Variants in CAPZA2 observed in about 807,000 individuals in gnomAD.
The protein encoded by CAPZA2 is F-actin-capping protein subunit alpha-2.
In CAPZA2, 13 loss-of-function variants were observed where a neutral mutation model predicts 44.0. The observed-to-expected ratio is 0.30, with a 90% CI of 0.19 to 0.47. The LOEUF is 0.47. Ranked by LOEUF, CAPZA2 falls within the 20% of genes least tolerant of loss-of-function variation. The pLI, the probability that CAPZA2 is intolerant of heterozygous loss-of-function variation, is 1.00. For missense variants in CAPZA2, 244 were observed against 338.6 expected, an observed-to-expected ratio of 0.72 and a Z score of 2.19; for synonymous variants, 94 against 108.2, an observed-to-expected ratio of 0.87 and a Z score of 0.81.
At chr7:116,908,775 A>G (rs965824390) in intron 6 of CAPZA2, among the ~76,000 whole-genome samples, 1 of 152,206 alleles carries the variant, frequency 6.6e-6, no homozygotes, top group Non-Finnish European at 1.5e-5. Flanking sequence ...TCATGAAACA[A>G]AAGTGAATAA....
chr7:116,904,990 C>A (rs1171750324), intron 5 of CAPZA2, among the ~76,000 whole-genome samples: 1,980 of 88,170 alleles, frequency 0.022, 1 homozygote, highest in East Asian at 0.045. Context: ...AAAAAAAAAA[C>A]AATTAGCCGG....
At chr7:116,914,067 G>A (rs1286248914) in intron 8 of CAPZA2, among the ~76,000 whole-genome samples, 7 of 131,906 alleles carry the variant, frequency 5.3e-5, no homozygotes, top group Non-Finnish European at 9.4e-5. Flanking sequence ...TCGCTCTTTC[G>A]CCCAGGCTGG....
intron 7 of CAPZA2, 141 bp from the exon 8 acceptor site, chr7:116,911,928 A>C: frequency 7.3e-7 from 1 of 1,372,548 alleles, no homozygotes; most frequent in Non-Finnish European, 9.8e-7. Context: ...GTCTTGCTGG[A>C]GTTCAAAAGT....
Position 116,921,986 on chromosome 7 carries a change from T to G in CAPZA2, c.*4119T>G, listed in dbSNP as rs1791775819. On this transcript the variant is annotated 3_prime_UTR_variant, in exon 10 of 10. Coordinates refer to ENST00000361183, the MANE Select transcript of CAPZA2 (RefSeq NM_006136.3). ...AATATGCAGATATTCATGCGGCTTT[T>G]CCTCATTTGGGATTTTGGAAACTAA... The G allele has an allele frequency of 6.6e-6, 1 of 152,198 alleles. No homozygotes were observed. The highest frequency in any genetic ancestry group is 2.4e-5 in the African/African-American group (1 of 41,444). 9.4% of individuals were successfully genotyped at this position (152,198 alleles called of 1,614,324 possible).
At position 116,893,014 on chromosome 7, in the gene CAPZA2, A is replaced by C; in HGVS notation, c.124A>C (p.Asn42His). Residue 42 changes from asparagine to histidine, a missense_variant, in exon 3 of 10, where the codon AAT (asparagine) becomes CAT (histidine). Asn to His is a moderately conservative substitution (Grantham distance 68). Transcript: ENST00000361183. ...VFNDVRLLLN[N>H]DNLLREGAAH... is the part of the protein sequence containing the mutation. ...TGCAGATGTTCGGTTACTGCTTAAT[A>C]ATGACAATCTTCTCAGGGAAGGAGC... 2 of 1,598,816 alleles carry C rather than the reference A, an allele frequency of 1.3e-6. 1 individual carries two copies. Among genetic ancestry groups the C allele is most frequent in the South Asian group, 2.2e-5 (2 of 89,230 alleles).
At chr7:116,896,262 C>T (rs1796925566) in intron 3 of CAPZA2, among the ~76,000 whole-genome samples, 1 of 152,036 alleles carries the variant, frequency 6.6e-6, no homozygotes, top group South Asian at 2.1e-4. Context: ...CAAAAAGCTA[C>T]CAACTCAGTA....
At chr7:116,870,484 G>A (rs1796538324) in intron 1 of CAPZA2, among the ~76,000 whole-genome samples, 1 of 152,150 alleles carries the variant, frequency 6.6e-6, no homozygotes, top group Admixed American at 6.5e-5. Flanking sequence ...TGACTGTCAG[G>A]GTTTTTCCAT....
At chr7:116,914,259 G>A (rs1791645516) in intron 8 of CAPZA2, among the ~76,000 whole-genome samples, 1 of 151,876 alleles carries the variant, frequency 6.6e-6, no homozygotes. Context: ...TCGATCTCCT[G>A]ACCTCGTGAT....
Position 116,920,940 on chromosome 7 carries a change from T to C in CAPZA2, c.*3073T>C, listed in dbSNP as rs1791762357. On this transcript the variant is annotated 3_prime_UTR_variant, in exon 10 of 10. Transcript: ENST00000361183. ...GTTTTGCCCAGAGTGAATGACCACA[T>C]GAAGAGGGGCAGGGTATGATGATGG... The C allele has an allele frequency of 6.6e-6, 1 of 152,168 alleles. No homozygotes were observed. The highest frequency in any genetic ancestry group is 1.5e-5 in the Non-Finnish European group (1 of 68,076). 9.4% of individuals were successfully genotyped at this position (152,168 alleles called of 1,614,324 possible).
intron 1 of CAPZA2, among the ~76,000 whole-genome samples, chr7:116,886,772 C>CTAAGGACTACACTTTCA (rs1303982638): frequency 2.6e-5 from 4 of 152,208 alleles, no homozygotes; most frequent in Non-Finnish European, 4.4e-5. Context: ...GGCTGCTTGC[C>CTAAGGACTACACTTTCA]TAAGGACTAC....
intron 1 of CAPZA2, among the ~76,000 whole-genome samples, chr7:116,865,177 CT>C (rs1011886318): frequency 0.013 from 1,114 of 87,862 alleles, 4 homozygotes; most frequent in African/African-American, 0.031. Context: ...GCGCTCTCTT[CT>C]TTTTTTTTTT....
intron 4 of CAPZA2, among the ~76,000 whole-genome samples, chr7:116,901,935 A>G (rs1489426363): frequency 1.3e-5 from 2 of 150,296 alleles, no homozygotes; most frequent in Admixed American, 1.3e-4. Flanking sequence ...ATATATATGT[A>G]TATATTTATG....
At chr7:116,915,909 A>G in intron 8 of CAPZA2, 151 bp from the exon 9 acceptor site, 1 of 530,596 alleles carries the variant, frequency 1.9e-6, no homozygotes, top group South Asian at 3.1e-5. Context: ...TTCCCCTTAG[A>G]CTTAGAATAA....
intron 3 of CAPZA2, among the ~76,000 whole-genome samples, chr7:116,897,870 G>A (rs1404483307): frequency 2.0e-5 from 3 of 151,190 alleles, no homozygotes; most frequent in East Asian, 2.0e-4. Context: ...TCTGGCTCTC[G>A]TTGCTCCACT....
At chr7:116,911,341 T>C (rs1791593678) in intron 7 of CAPZA2, among the ~76,000 whole-genome samples, 1 of 152,234 alleles carries the variant, frequency 6.6e-6, no homozygotes, top group African/African-American at 2.4e-5. Context: ...AATGTGGATA[T>C]GTTACTTGAC....
At chr7:116,877,412 A>G (rs1274436954) in intron 1 of CAPZA2, among the ~76,000 whole-genome samples, 1 of 152,256 alleles carries the variant, frequency 6.6e-6, no homozygotes, top group East Asian at 1.9e-4. Context: ...TGATATGGCA[A>G]GCGGGAAGAC....
rs1030260811 is a variant in CAPZA2 at position 116,917,246 on chromosome 7, T to TTTTA, written c.721-461_721-458dup. On this transcript the variant is annotated intron_variant, in intron 9 of 9. Coordinates refer to ENST00000361183, the MANE Select transcript of CAPZA2 (RefSeq NM_006136.3). ...AGGCTTTTTCTTCTAGCTGCTTTTA[T>TTTTA]TTTATTTATTTATTTATTTATTTTT... Among the ~76,000 whole-genome samples, 41 of 152,054 alleles carry TTTTA rather than the reference T, an allele frequency of 2.7e-4. 1 individual carries two copies. The highest frequency in any genetic ancestry group is 1.0e-3 in the South Asian group (5 of 4,818).
chr7:116,906,232 C>T, intron 5 of CAPZA2, 31 bp from the exon 6 acceptor site: 3 of 1,601,382 alleles, frequency 1.9e-6, no homozygotes, highest in Non-Finnish European at 2.5e-6. Context: ...GCCCTAAATT[C>T]ATTCTTATGC....
At chr7:116,913,585 CTG>C (rs1228584686) in intron 8 of CAPZA2, among the ~76,000 whole-genome samples, 1 of 151,846 alleles carries the variant, frequency 6.6e-6, no homozygotes, top group East Asian at 1.9e-4. Context: ...GCATATGCAA[CTG>C]TTTCCTTGTT....
Sources: gnomAD v4.1 joint callset for allele counts (sites outside exome capture counted in the v4.1 genomes callset) on GRCh38, gnomAD v4.1.1 for gene constraint, MANE v1.5 for transcripts, NCBI Gene and HGNC (gene_info 2026-07-23, HGNC 2026-07-21) for gene names.